The following TK1 variants were observed in gnomAD, a reference collection of about 807,000 sequenced individuals.
TK1 encodes the protein thymidine kinase, cytosolic.
Under a neutral mutation model 22.4 loss-of-function variants are expected in TK1, and 13 were observed. The ratio of observed to expected loss-of-function variants is 0.58; its 90% confidence interval spans 0.38 to 0.92. TK1 has a LOEUF of 0.92. Among genes scored for constraint, TK1 ranks in the 40% least tolerant of loss-of-function variants. The probability of loss-of-function intolerance (pLI) is 0.00; values close to 1 mark genes in which losing one functional copy is unlikely to be tolerated. For synonymous variants in TK1, 134 were observed against 125.4 expected, an observed-to-expected ratio of 1.07 and a Z score of -0.46; for missense variants, 251 against 315.7, an observed-to-expected ratio of 0.80 and a Z score of 1.55.
At chr17:78,180,277 C>T (rs760433359) in intron 4 of TK1, among the ~76,000 whole-genome samples, 6 of 152,200 alleles carry the variant, frequency 3.9e-5, no homozygotes, top group African/African-American at 1.4e-4. Context: ...GCCTCGTGGG[C>T]GGCCTCCCCA....
chr17:78,179,720 A>G (rs1459320456), intron 4 of TK1: 1 of 985,448 alleles, frequency 1.0e-6, no homozygotes, highest in Non-Finnish European at 1.2e-6. Flanking sequence ...GGGCGGGTAG[A>G]GACCTCGAAG....
intron 4 of TK1, among the ~76,000 whole-genome samples, chr17:78,181,637 C>T (rs1178480770): frequency 1.3e-5 from 2 of 151,948 alleles, no homozygotes; most frequent in Non-Finnish European, 2.9e-5. Flanking sequence ...CAAAGACTGG[C>T]AGCTTCCCAT....
At position 78,182,045 on chromosome 17, in the gene TK1, T is replaced by C. The variant is rs138478539; in HGVS notation, c.303+544A>G. On this transcript the variant is annotated intron_variant, in intron 4 of 6. Coordinates refer to ENST00000301634, the MANE Select transcript of TK1 (RefSeq NM_003258.5). ...GGCTGAGATTACAGGTGTGAGTCAC[T>C]GCATCTTGCCAGTAAATAGATATAT... is the stretch of plus-strand genomic sequence containing the variant. Among the ~76,000 whole-genome samples, 36 of 152,202 alleles carry C rather than the reference T, an allele frequency of 2.4e-4. No individual in the cohort carries two copies. The East Asian group carries it at 5.8e-3, about 24-fold the overall frequency.
In TK1 at chr17:78,186,943, G is replaced by A. The variant is rs764327721; in HGVS notation, c.52C>T (p.Arg18Trp). 3 of 1,571,376 alleles carry A rather than the reference G, an allele frequency of 1.9e-6. No individual in the cohort carries two copies. The highest frequency in any genetic ancestry group is 2.7e-5 in the African/African-American group (2 of 73,694). Residue 18 changes from arginine (R) to tryptophan (W), a missense_variant, in exon 1 of 7, where the codon CGG becomes TGG. Transcript: ENST00000301634. ...GGCCCCCGCACCTGGATCTGCCCCC[G>A]GGTCTTGCTGGGGGAGCCAGGCAGC... The part of the protein sequence containing the change: ...TVLPGSPSKT[R>W]GQIQVILGPM...
At chr17:78,175,765 G>A (rs531015499) in intron 4 of TK1, 147 bp from the exon 5 acceptor site, 30 of 657,802 alleles carry the variant, frequency 4.6e-5, no homozygotes, top group Middle Eastern at 4.3e-4. Flanking sequence ...TCCCCAGGCC[G>A]GGGGACTGTG....
intron 3 of TK1, among the ~76,000 whole-genome samples, chr17:78,183,321 A>G (rs1389098132): frequency 6.6e-6 from 1 of 152,188 alleles, no homozygotes; most frequent in East Asian, 1.9e-4. Context: ...TTCCTTTTAA[A>G]ATTCAGAAGA....
intron 4 of TK1, among the ~76,000 whole-genome samples, chr17:78,178,565 C>T (rs1304822546): frequency 6.6e-6 from 1 of 152,226 alleles, no homozygotes; most frequent in Non-Finnish European, 1.5e-5. Context: ...AAGGACAGTC[C>T]TTCTGCTGGG....
At chr17:78,179,405 A>G in intron 4 of TK1, 1 of 985,418 alleles carries the variant, frequency 1.0e-6, no homozygotes, top group South Asian at 4.7e-5. Flanking sequence ...GGGGGTGCTC[A>G]GGGGCGCACC....
At chr17:78,183,464 G>A (rs765524153) in intron 3 of TK1, among the ~76,000 whole-genome samples, 1 of 152,140 alleles carries the variant, frequency 6.6e-6, no homozygotes, top group Non-Finnish European at 1.5e-5. Flanking sequence ...AGGCCAAGAC[G>A]GGAGGATCAC....
chr17:78,186,885 A>G, intron 1 of TK1, 44 bp downstream of exon 1: 1 of 1,565,540 alleles, frequency 6.4e-7, no homozygotes. Flanking sequence ...GGCTATCACC[A>G]CGACCACCTC....
intron 4 of TK1, chr17:78,179,071 AAGG>A (rs1474230737): frequency 1.2e-5 from 9 of 764,204 alleles, no homozygotes; most frequent in Non-Finnish European, 1.4e-5. Context: ...GATGTCGAGG[AAGG>A]AGAAGGGAAA....
chr17:78,181,885 G>C (rs1334568786), intron 4 of TK1, among the ~76,000 whole-genome samples: 1 of 151,496 alleles, frequency 6.6e-6, no homozygotes, highest in Non-Finnish European at 1.5e-5. Flanking sequence ...CTCCTGAGTA[G>C]CAGGGACCAC....
At chr17:78,180,421 T>C (rs9899622) in intron 4 of TK1, among the ~76,000 whole-genome samples, 2,209 of 152,334 alleles carry the variant, frequency 0.015, 55 homozygotes, top group African/African-American at 0.05. Flanking sequence ...CTAAACCCCT[T>C]GGAGAGAGTT....
intron 2 of TK1, among the ~76,000 whole-genome samples, chr17:78,186,054 A>C (rs2075787438): frequency 6.6e-6 from 1 of 151,946 alleles, no homozygotes; most frequent in African/African-American, 2.4e-5. Context: ...TGAGACCAGG[A>C]GTTCAAGACC....
upstream of TK1, chr17:78,187,101 C>T (rs1040427599): frequency 7.8e-7 from 1 of 1,285,072 alleles, no homozygotes; most frequent in Non-Finnish European, 1.1e-6. Context: ...TGGCCAATCA[C>T]GAGCCGGCCC....
Position 78,186,809 on chromosome 17 carries a change from C to G in TK1, c.76G>C (p.Gly26Arg). The change falls in exon 2 of 7, where the codon GGG (glycine) becomes CGG (arginine). Residue 26 changes from glycine to arginine, a missense_variant. Transcript: ENST00000301634. ...TACCTTTTTCCTGAGAACATCGGCC[C>G]GAGAATCACCTAGGAGAGAAGGTGA... is the stretch of plus-strand genomic sequence containing the variant. ...KTRGQIQVILGPMFSGKSTEL... is the reference protein window; with the variant it reads ...KTRGQIQVILRPMFSGKSTEL... 2 of 1,584,954 alleles carry G rather than the reference C, an allele frequency of 1.3e-6. No individual in the cohort carries two copies. The highest frequency in any genetic ancestry group is 1.7e-6 in the Non-Finnish European group (2 of 1,165,954).
chr17:78,186,297 T>C (rs1414132387), intron 2 of TK1, among the ~76,000 whole-genome samples: 4 of 152,082 alleles, frequency 2.6e-5, no homozygotes, highest in African/African-American at 9.7e-5. Flanking sequence ...AGAAACTCAC[T>C]AGCCCCACCC....
At position 78,185,113 on chromosome 17, in the gene TK1, G is replaced by A; in HGVS notation, c.151C>T (p.Leu51=). The A allele has an allele frequency of 6.2e-7, 1 of 1,612,044 alleles. No individual in the cohort carries two copies. Among genetic ancestry groups the A allele is most frequent in the South Asian group, 1.1e-5 (1 of 90,960 alleles). ...RRFQIAQYKC[L]VIKYAKDTRY... ...GTGTCTTTGGCATACTTGATCACCA[G>A]GCACTTGTACTGAGCAATCTGGAAG... is the stretch of plus-strand genomic sequence containing the variant. Residue 51 remains leucine (L), a synonymous_variant, in exon 3 of 7, where the codon CTG becomes TTG. Coordinates refer to ENST00000301634, the MANE Select transcript of TK1 (RefSeq NM_003258.5).
intron 4 of TK1, among the ~76,000 whole-genome samples, chr17:78,177,326 A>G (rs1188245621): frequency 6.6e-6 from 1 of 152,224 alleles, no homozygotes; most frequent in African/African-American, 2.4e-5. Flanking sequence ...GTCACAGTCA[A>G]AAACTGTGGC....
Sources: allele counts gnomAD v4.1 joint callset (sites outside exome capture counted in the v4.1 genomes callset), GRCh38; gene constraint gnomAD v4.1.1; transcripts MANE v1.5; gene names NCBI Gene and HGNC (gene_info 2026-07-23, HGNC 2026-07-21).